UGGT2: variants seen among roughly 807,000 people sequenced by gnomAD.
UGGT2 encodes UDP-glucose:glycoprotein glucosyltransferase 2.
UGGT2 carries 180 observed loss-of-function variants against 192.1 expected under a neutral mutation model. That is an observed-to-expected ratio of 0.94 (90% CI 0.83 to 1.06). The LOEUF is 1.06. UGGT2 is among the 50% of genes least tolerant of loss of function. The probability of loss-of-function intolerance (pLI) is 0.00; values close to 1 mark genes in which losing one functional copy is unlikely to be tolerated. For missense variants in UGGT2, 1,849 were observed against 1,795.7 expected, an observed-to-expected ratio of 1.03 and a Z score of -0.54; for synonymous variants, 580 against 591.0, an observed-to-expected ratio of 0.98 and a Z score of 0.27.
At chr13:95,915,172 C>T (rs943555129) in intron 20 of UGGT2, among the ~76,000 whole-genome samples, 52 of 152,092 alleles carry the variant, frequency 3.4e-4, no homozygotes, top group African/African-American at 1.1e-3. Context: ...ATATATTTTC[C>T]CTCAGTATTT....
intron 38 of UGGT2, among the ~76,000 whole-genome samples, chr13:95,806,745 C>G (rs559846058): frequency 1.3e-5 from 2 of 152,168 alleles, no homozygotes; most frequent in African/African-American, 4.8e-5. Flanking sequence ...CATATATGAT[C>G]AAATGATTCT....
chr13:96,019,063 G>C (rs118110704), intron 4 of UGGT2, among the ~76,000 whole-genome samples: 3,342 of 121,626 alleles, frequency 0.027, 55 homozygotes, highest in Non-Finnish European at 0.036. Flanking sequence ...ACAAACCCAA[G>C]AGTATATGCC....
chr13:95,919,753 G>A (rs1359037830), intron 20 of UGGT2, among the ~76,000 whole-genome samples: 8 of 152,024 alleles, frequency 5.3e-5, no homozygotes, highest in Admixed American at 1.3e-4. Flanking sequence ...CAGGAAGAAC[G>A]AACATCATGA....
intron 13 of UGGT2, 92 bp downstream of exon 13, chr13:95,949,243 C>T: frequency 4.1e-6 from 5 of 1,223,412 alleles, no homozygotes; most frequent in Non-Finnish European, 5.3e-6. Flanking sequence ...TTCCTTACAA[C>T]TCAGATGCCT....
At chr13:95,834,461 T>C (rs770717269) in intron 37 of UGGT2, among the ~76,000 whole-genome samples, 5 of 152,104 alleles carry the variant, frequency 3.3e-5, no homozygotes, top group Non-Finnish European at 5.9e-5. Flanking sequence ...TCAATGCCAA[T>C]AGTACTGAGG....
At chr13:95,814,683 C>T (rs1033368816) in intron 38 of UGGT2, among the ~76,000 whole-genome samples, 5 of 152,158 alleles carry the variant, frequency 3.3e-5, no homozygotes. Flanking sequence ...ACTCAAAACT[C>T]CAAAGTCCAA....
chr13:95,981,952 T>C (rs1399264910), intron 10 of UGGT2, among the ~76,000 whole-genome samples: 2 of 152,244 alleles, frequency 1.3e-5, no homozygotes, highest in African/African-American at 2.4e-5. Flanking sequence ...CATCCTTGTC[T>C]TTCTCTTTTC....
intron 27 of UGGT2, among the ~76,000 whole-genome samples, chr13:95,880,676 G>A (rs1452617717): frequency 6.6e-6 from 1 of 152,162 alleles, no homozygotes; most frequent in Non-Finnish European, 1.5e-5. Flanking sequence ...ACTGTGCACT[G>A]TTCTGAGTAT....
chr13:95,884,773 C>T, intron 26 of UGGT2, 93 bp from the exon 27 acceptor site: 4 of 1,239,698 alleles, frequency 3.2e-6, no homozygotes, highest in South Asian at 1.7e-5. Flanking sequence ...AATGATCTGA[C>T]CAGAAGTCTA....
chr13:95,833,195 C>G, intron 37 of UGGT2, 142 bp from the exon 38 acceptor site: 2 of 830,026 alleles, frequency 2.4e-6, no homozygotes, highest in Non-Finnish European at 3.6e-6. Context: ...CACACAGGAT[C>G]AGGTGAAATG....
At chr13:96,042,486 C>T (rs2053193659) in intron 1 of UGGT2, among the ~76,000 whole-genome samples, 1 of 152,004 alleles carries the variant, frequency 6.6e-6, no homozygotes. Context: ...AAATCACACT[C>T]GCTCACCAGC....
At chr13:96,013,136 G>C (rs3782991) in intron 5 of UGGT2, among the ~76,000 whole-genome samples, 171 bp downstream of exon 5, 7,650 of 152,078 alleles carry the variant, frequency 0.05, 323 homozygotes, top group East Asian at 0.15. Context: ...CATACCCCCA[G>C]AAGAGACAGA....
chr13:95,842,618 T>A (rs1360945523), intron 36 of UGGT2, among the ~76,000 whole-genome samples: 1 of 152,180 alleles, frequency 6.6e-6, no homozygotes, highest in Non-Finnish European at 1.5e-5. Context: ...ATGGCAAAAC[T>A]AATGGGATGT....
Position 95,890,928 on chromosome 13 carries a change from GAACAT to G in UGGT2, c.2887_2891del (p.Met963LeufsTer8). ...GATCAACAATAGCAATGACATTGAA[GAACAT>G]ATCATTCTCTTGAGGATTCGTCTTT... On this transcript the variant is annotated frameshift_variant, in exon 25 of 39. Transcript: ENST00000376747. LOFTEE classifies it high-confidence loss of function. 1 of 1,612,526 alleles carries G rather than the reference GAACAT, an allele frequency of 6.2e-7. No individual in the cohort carries two copies. The highest frequency in any genetic ancestry group is 8.5e-7 in the Non-Finnish European group (1 of 1,179,214).
At chr13:96,044,017 A>C (rs2053237870) in intron 1 of UGGT2, among the ~76,000 whole-genome samples, 1 of 152,206 alleles carries the variant, frequency 6.6e-6, no homozygotes, top group African/African-American at 2.4e-5. Context: ...AAATGGACTT[A>C]ACAGATATTT....
chr13:95,968,871 C>T (rs953504185), intron 12 of UGGT2, among the ~76,000 whole-genome samples: 2 of 152,060 alleles, frequency 1.3e-5, no homozygotes, highest in African/African-American at 2.4e-5. Context: ...AAAGGGTTAA[C>T]TCAAGAGGCT....
chr13:95,851,135 A>C (rs764917487), intron 36 of UGGT2, among the ~76,000 whole-genome samples: 18 of 152,184 alleles, frequency 1.2e-4, no homozygotes, highest in Non-Finnish European at 2.2e-4. Context: ...TAAACTTCCT[A>C]ATTTCCATGT....
At chr13:96,020,693 G>C (rs1298624079) in intron 4 of UGGT2, among the ~76,000 whole-genome samples, 4 of 152,114 alleles carry the variant, frequency 2.6e-5, no homozygotes, top group African/African-American at 9.7e-5. Flanking sequence ...TGAGCAGTGG[G>C]AAGAAATGTA....
At chr13:95,803,779 A>C (rs887151251) in intron 38 of UGGT2, among the ~76,000 whole-genome samples, 1 of 152,184 alleles carries the variant, frequency 6.6e-6, no homozygotes, top group African/African-American at 2.4e-5. Flanking sequence ...AACCCACACC[A>C]GTTATTATAT....
Sources: allele counts gnomAD v4.1 joint callset (sites outside exome capture counted in the v4.1 genomes callset), GRCh38; gene constraint gnomAD v4.1.1; transcripts MANE v1.5; gene names NCBI Gene and HGNC (gene_info 2026-07-23, HGNC 2026-07-21).